CTNNBL1: variants seen among roughly 807,000 people sequenced by gnomAD.
CTNNBL1 encodes the protein catenin beta like 1.
A neutral mutation model predicts 72.7 loss-of-function variants in CTNNBL1; 31 were observed. The observed-to-expected ratio is 0.43, with a 90% CI of 0.32 to 0.58. The LOEUF (loss-of-function observed/expected upper bound fraction) is 0.58, where lower values mean the gene tolerates loss of function less well. Among genes scored for constraint, CTNNBL1 ranks in the 20% least tolerant of loss-of-function variants. CTNNBL1 has a pLI of 0.08. For missense variants in CTNNBL1, 534 were observed against 725.1 expected (o/e 0.74, Z 3.03); for synonymous variants, 240 against 267.3 (o/e 0.90, Z 1.00).
At chr20:37,826,515 A>G (rs990016390) in intron 11 of CTNNBL1, among the ~76,000 whole-genome samples, 7 of 152,234 alleles carry the variant, frequency 4.6e-5, no homozygotes, top group Non-Finnish European at 1.0e-4. Context: ...AAGGCATTCA[A>G]AATTTCAAAC....
At position 37,860,253 on chromosome 20, in the gene CTNNBL1, C is replaced by T; in HGVS notation, c.1531-19C>T. 1 of 1,608,318 alleles carries T rather than the reference C, an allele frequency of 6.2e-7. No homozygotes were observed. The highest frequency in any genetic ancestry group is 8.5e-7 in the Non-Finnish European group (1 of 1,174,772). On this transcript the variant is annotated intron_variant, in intron 14 of 15. Coordinates refer to ENST00000361383, the MANE Select transcript of CTNNBL1 (RefSeq NM_030877.5). The stretch of plus-strand genomic sequence containing the variant: ...CAAATGGTTGTCTTTCTTTCTCTAC[C>T]CATTTTTTCCCTTATTAGATTCGCC...
intron 10 of CTNNBL1, among the ~76,000 whole-genome samples, chr20:37,796,053 C>T (rs1183031939): frequency 6.6e-6 from 1 of 152,102 alleles, no homozygotes; most frequent in Non-Finnish European, 1.5e-5. Context: ...GCTAATAATG[C>T]CTCGCTACTG....
chr20:37,696,966 G>A (rs997298588), intron 1 of CTNNBL1, among the ~76,000 whole-genome samples: 6 of 151,900 alleles, frequency 3.9e-5, no homozygotes, highest in East Asian at 3.9e-4. Context: ...TGGGTCACCT[G>A]AGGTTGGGAG....
chr20:37,715,981 G>C (rs2072983101), intron 1 of CTNNBL1, among the ~76,000 whole-genome samples: 1 of 147,890 alleles, frequency 6.8e-6, no homozygotes, highest in South Asian at 2.1e-4. Context: ...AGTATTGTCT[G>C]TGCACTGTTT....
intron 7 of CTNNBL1, among the ~76,000 whole-genome samples, chr20:37,775,603 T>C (rs1199970958): frequency 6.6e-6 from 1 of 152,232 alleles, no homozygotes; most frequent in Non-Finnish European, 1.5e-5. Flanking sequence ...ATTTGATATT[T>C]CTACAAAATT....
intron 2 of CTNNBL1, among the ~76,000 whole-genome samples, chr20:37,737,139 G>A (rs763347877): frequency 2.0e-5 from 3 of 152,212 alleles, no homozygotes; most frequent in South Asian, 2.1e-4. Flanking sequence ...CAGGAGAATC[G>A]CTTGAACCTG....
intron 13 of CTNNBL1, among the ~76,000 whole-genome samples, chr20:37,853,709 C>G (rs1210704940): frequency 4.6e-5 from 7 of 152,178 alleles, no homozygotes; most frequent in African/African-American, 1.7e-4. Flanking sequence ...TTAAAACAGA[C>G]CAAAACTTGA....
intron 11 of CTNNBL1, among the ~76,000 whole-genome samples, chr20:37,811,805 A>G (rs1412055542): frequency 6.6e-6 from 1 of 152,242 alleles, no homozygotes; most frequent in Non-Finnish European, 1.5e-5. Context: ...TTTATCGGGC[A>G]TCTGTCTACT....
chr20:37,699,526 C>T (rs1393673515), intron 1 of CTNNBL1, among the ~76,000 whole-genome samples: 1 of 152,206 alleles, frequency 6.6e-6, no homozygotes, highest in African/African-American at 2.4e-5. Context: ...GGTAGTTTTC[C>T]ATTTTGTTTT....
chr20:37,800,688 C>T (rs2073816723), intron 10 of CTNNBL1, among the ~76,000 whole-genome samples: 1 of 152,212 alleles, frequency 6.6e-6, no homozygotes, highest in Non-Finnish European at 1.5e-5. Flanking sequence ...TAACACATGG[C>T]AATCTCAGAA....
intron 11 of CTNNBL1, among the ~76,000 whole-genome samples, chr20:37,832,517 C>G (rs1367224370): frequency 2.0e-5 from 3 of 152,174 alleles, no homozygotes; most frequent in African/African-American, 4.8e-5. Context: ...AGGCTAAGCT[C>G]CATGCTTGTG....
intron 10 of CTNNBL1, among the ~76,000 whole-genome samples, chr20:37,794,653 T>C (rs2073755730): frequency 6.6e-6 from 1 of 151,730 alleles, no homozygotes; most frequent in South Asian, 2.1e-4. Context: ...CCACGACACC[T>C]GGCTAATTTT....
At chr20:37,782,764 T>A (rs1202907831) in intron 10 of CTNNBL1, among the ~76,000 whole-genome samples, 1 of 152,172 alleles carries the variant, frequency 6.6e-6, no homozygotes, top group East Asian at 1.9e-4. Context: ...ACATCCCAAT[T>A]CAGATGCTAA....
intron 10 of CTNNBL1, among the ~76,000 whole-genome samples, chr20:37,790,998 A>G (rs1407711389): frequency 6.6e-6 from 1 of 152,270 alleles, no homozygotes; most frequent in South Asian, 2.1e-4. Flanking sequence ...ATTTTATGTA[A>G]ATGGAGTCAT....
intron 5 of CTNNBL1, among the ~76,000 whole-genome samples, chr20:37,762,738 AT>A (rs1333377164): frequency 6.6e-6 from 1 of 152,184 alleles, no homozygotes; most frequent in African/African-American, 2.4e-5. Flanking sequence ...TAATATAAAT[AT>A]TTTTTGAAGG....
chr20:37,699,370 A>G (rs1002232736), intron 1 of CTNNBL1, among the ~76,000 whole-genome samples: 5 of 152,230 alleles, frequency 3.3e-5, no homozygotes, highest in Non-Finnish European at 7.3e-5. Context: ...AAGTTATCAC[A>G]TTTAATTCTC....
intron 1 of CTNNBL1, among the ~76,000 whole-genome samples, chr20:37,722,077 T>A (rs927123733): frequency 6.6e-6 from 1 of 152,240 alleles, no homozygotes; most frequent in Non-Finnish European, 1.5e-5. Context: ...TACATTTCCC[T>A]GATTTCTAAT....
intron 1 of CTNNBL1, among the ~76,000 whole-genome samples, chr20:37,699,544 GA>G (rs2072822371): frequency 6.6e-6 from 1 of 152,174 alleles, no homozygotes; most frequent in Non-Finnish European, 1.5e-5. Flanking sequence ...TTTCAGATTT[GA>G]AAACTTTTTA....
intron 4 of CTNNBL1, among the ~76,000 whole-genome samples, chr20:37,754,724 A>G (rs2073348532): frequency 6.6e-6 from 1 of 152,298 alleles, no homozygotes; most frequent in South Asian, 2.1e-4. Context: ...CTTATGCATT[A>G]ATATGAAGTA....
Sources: gnomAD v4.1 joint callset for allele counts (sites outside exome capture counted in the v4.1 genomes callset) on GRCh38, gnomAD v4.1.1 for gene constraint, MANE v1.5 for transcripts, NCBI Gene and HGNC (gene_info 2026-07-23, HGNC 2026-07-21) for gene names.